Variants in CMSS1 observed in about 807,000 individuals in gnomAD.
The protein encoded by CMSS1 is protein CMSS1.
A neutral mutation model predicts 43.5 loss-of-function variants in CMSS1; 33 were observed. The observed-to-expected ratio is 0.76, with a 90% CI of 0.57 to 1.01. The LOEUF (loss-of-function observed/expected upper bound fraction) is 1.01, where lower values mean the gene tolerates loss of function less well. Ranked by LOEUF, CMSS1 falls within the 50% of genes least tolerant of loss-of-function variation. CMSS1 has a pLI of 0.00. For missense variants in CMSS1, 313 were observed against 326.4 expected (o/e 0.96, Z 0.32); for synonymous variants, 115 against 117.2 (o/e 0.98, Z 0.12).
intron 1 of CMSS1, among the ~76,000 whole-genome samples, chr3:99,852,124 A>C (rs984418041): frequency 2.6e-5 from 4 of 152,192 alleles, no homozygotes; most frequent in African/African-American, 9.7e-5. Context: ...TCTTCCACTT[A>C]AGTAGTGAGG....
chr3:100,080,317 G>C (rs1210791657), intron 1 of CMSS1, among the ~76,000 whole-genome samples: 1 of 144,938 alleles, frequency 6.9e-6, no homozygotes, highest in Non-Finnish European at 1.6e-5. Context: ...ACCTAGCTAA[G>C]AGGGGGAAAA....
chr3:99,828,894 CATCATCCCTCTCAATGCTGCCT>C (rs1392998294), intron 1 of CMSS1, among the ~76,000 whole-genome samples: 7 of 150,984 alleles, frequency 4.6e-5, no homozygotes, highest in African/African-American at 1.7e-4. Flanking sequence ...GACTGCTGCC[CATCATCCCTCTCAATGCTGCCT>C]ATCATCCCTC....
intron 1 of CMSS1, among the ~76,000 whole-genome samples, chr3:99,946,218 T>C (rs1017761244): frequency 1.2e-4 from 18 of 152,234 alleles, no homozygotes; most frequent in Admixed American, 9.2e-4. Context: ...ATCTTCAGAA[T>C]AGCCCTGGAT....
At chr3:99,970,276 C>A (rs1559708257) in intron 1 of CMSS1, among the ~76,000 whole-genome samples, 1 of 152,244 alleles carries the variant, frequency 6.6e-6, no homozygotes, top group Non-Finnish European at 1.5e-5. Context: ...CCCAGGCAGT[C>A]TGGCTTTAGA....
chr3:99,906,065 T>C (rs1706606267), intron 1 of CMSS1, among the ~76,000 whole-genome samples: 1 of 152,082 alleles, frequency 6.6e-6, no homozygotes, highest in Non-Finnish European at 1.5e-5. Context: ...TGGTGGTGCA[T>C]GCCTGTGGTC....
At chr3:99,887,476 C>T (rs1384759418) in intron 1 of CMSS1, among the ~76,000 whole-genome samples, 4 of 152,076 alleles carry the variant, frequency 2.6e-5, no homozygotes, top group African/African-American at 9.7e-5. Context: ...CTATCACAGC[C>T]ATGACTGAGA....
At chr3:100,088,779 A>G (rs2066055271) in intron 1 of CMSS1, among the ~76,000 whole-genome samples, 1 of 151,848 alleles carries the variant, frequency 6.6e-6, no homozygotes, top group Non-Finnish European at 1.5e-5. Context: ...TCTCTTCTCT[A>G]TCTGCCCCAC....
Position 99,957,857 on chromosome 3 carries a change from A to G in CMSS1, c.64+139814A>G, listed in dbSNP as rs145820565. The stretch of plus-strand genomic sequence containing the variant: ...GCCTGGATATTTGTATGTTCTTAAT[A>G]TAGGCCTAATAACAGCTGAAATGTC... On this transcript the variant is annotated intron_variant, in intron 1 of 9. Coordinates refer to ENST00000421999, the MANE Select transcript of CMSS1 (RefSeq NM_032359.4). Among the ~76,000 whole-genome samples, 681 of 150,658 alleles carry G rather than the reference A, an allele frequency of 4.5e-3. 6 individuals are homozygous for G. Among genetic ancestry groups the G allele is most frequent in the African/African-American group, 0.016 (667 of 41,168 alleles).
At chr3:99,867,544 G>A (rs1325803430) in intron 1 of CMSS1, among the ~76,000 whole-genome samples, 3 of 152,190 alleles carry the variant, frequency 2.0e-5, no homozygotes. Context: ...ATATCTGATG[G>A]ACAGGAAATG....
chr3:99,995,676 T>C (rs1348175977), intron 1 of CMSS1, among the ~76,000 whole-genome samples: 2 of 152,208 alleles, frequency 1.3e-5, no homozygotes, highest in African/African-American at 2.4e-5. Context: ...TCTTCTGACA[T>C]CTAGGCAGAG....
At chr3:99,963,147 A>G (rs898130017) in intron 1 of CMSS1, among the ~76,000 whole-genome samples, 3 of 152,220 alleles carry the variant, frequency 2.0e-5, no homozygotes, top group Non-Finnish European at 2.9e-5. Flanking sequence ...CACCAGAGAA[A>G]GTTCGAAATG....
chr3:99,928,484 G>T (rs1168602669), intron 1 of CMSS1, among the ~76,000 whole-genome samples: 1 of 152,232 alleles, frequency 6.6e-6, no homozygotes, highest in East Asian at 1.9e-4. Context: ...GACTTGTAAA[G>T]TAGGGCCAGA....
At chr3:99,949,034 G>A (rs971478904) in intron 1 of CMSS1, among the ~76,000 whole-genome samples, 6 of 152,110 alleles carry the variant, frequency 3.9e-5, no homozygotes, top group East Asian at 3.8e-4. Flanking sequence ...TTATTTCCTA[G>A]CATACAGCTG....
Position 99,818,062 on chromosome 3 carries a change from C to G in CMSS1, c.64+19C>G. The G allele has an allele frequency of 6.2e-7, 1 of 1,610,440 alleles. No homozygotes were observed. Among genetic ancestry groups the G allele is most frequent in the African/African-American group, 1.3e-5 (1 of 75,012 alleles). On this transcript the variant is annotated intron_variant, in intron 1 of 9. Transcript: ENST00000421999. ...AGCCCAGGTACCCACTCTGTGCCCGCGCTCCTACGGGGCCTCTCCCGGAGC... is the reference window on the plus strand; with the variant it reads ...AGCCCAGGTACCCACTCTGTGCCCGGGCTCCTACGGGGCCTCTCCCGGAGC...
At chr3:100,178,268 A>T (rs1223806077) in intron 9 of CMSS1, 37 bp from the exon 10 acceptor site, 1 of 1,378,206 alleles carries the variant, frequency 7.3e-7, no homozygotes, top group Admixed American at 1.7e-5. Flanking sequence ...TTTTGGCTTG[A>T]TCTTAATCTT....
intron 1 of CMSS1, among the ~76,000 whole-genome samples, chr3:99,832,278 T>C (rs1942697618): frequency 6.7e-6 from 1 of 149,466 alleles, no homozygotes; most frequent in Non-Finnish European, 1.5e-5. Context: ...TCACCCAGAC[T>C]GGAGTGCAGT....
chr3:100,063,765 A>G (rs1433879428), intron 1 of CMSS1, among the ~76,000 whole-genome samples: 1 of 152,226 alleles, frequency 6.6e-6, no homozygotes, highest in Non-Finnish European at 1.5e-5. Flanking sequence ...TTTCATATCA[A>G]AACTCTGGAC....
At chr3:99,921,321 G>A (rs984433928) in intron 1 of CMSS1, among the ~76,000 whole-genome samples, 4 of 152,086 alleles carry the variant, frequency 2.6e-5, no homozygotes, top group Admixed American at 6.5e-5. Flanking sequence ...TTCCTGTTTC[G>A]TTAGATGGTA....
intron 1 of CMSS1, among the ~76,000 whole-genome samples, chr3:99,997,592 G>A (rs1030535045): frequency 9.9e-5 from 15 of 152,194 alleles, no homozygotes; most frequent in Non-Finnish European, 1.0e-4. Context: ...GATGGTAGGG[G>A]CAGGGTGGGA....
Sources: allele counts gnomAD v4.1 joint callset (sites outside exome capture counted in the v4.1 genomes callset), GRCh38; gene constraint gnomAD v4.1.1; transcripts MANE v1.5; gene names NCBI Gene and HGNC (gene_info 2026-07-23, HGNC 2026-07-21).